The following DMBT1 variants were observed in gnomAD, a reference collection of about 807,000 sequenced individuals.
DMBT1 encodes the protein scavenger receptor cysteine-rich domain-containing protein DMBT1.
In DMBT1, 198 loss-of-function variants were observed where a neutral mutation model predicts 252.9. The observed-to-expected ratio is 0.78, with a 90% confidence interval of 0.70 to 0.88. The LOEUF (loss-of-function observed/expected upper bound fraction) is 0.88. Ranked by LOEUF, DMBT1 falls within the 40% of genes least tolerant of loss-of-function variation. The pLI, the probability that DMBT1 is intolerant of heterozygous loss-of-function variation, is 0.00. For synonymous variants in DMBT1, 990 were observed against 942.7 expected, an observed-to-expected ratio of 1.05 and a Z score of -0.92; for missense variants, 2,432 against 2,404.7, an observed-to-expected ratio of 1.01 and a Z score of -0.24.
intron 44 of DMBT1, among the ~76,000 whole-genome samples, chr10:122,622,266 C>T (rs2098077317): frequency 1.3e-5 from 2 of 152,150 alleles, no homozygotes; most frequent in South Asian, 2.1e-4. Context: ...AAGCCTCTGG[C>T]CGCTCCCTAC....
chr10:122,619,187 T>G, intron 41 of DMBT1, 121 bp from the exon 42 acceptor site: 5 of 1,304,620 alleles, frequency 3.8e-6, no homozygotes, highest in Non-Finnish European at 5.6e-6. Context: ...TGCCCCTCCC[T>G]CTGTGATAGG....
intron 1 of DMBT1, among the ~76,000 whole-genome samples, chr10:122,562,442 A>C (rs12767719): frequency 0.65 from 98,996 of 151,916 alleles, 32,850 homozygotes; most frequent in East Asian, 0.77. Context: ...GTGTGGAGGG[A>C]CTGGGGGCCA....
intron 15 of DMBT1, 49 bp from the exon 16 acceptor site, chr10:122,586,011 C>A (rs747767747): frequency 1.3e-6 from 2 of 1,586,044 alleles, no homozygotes; most frequent in Non-Finnish European, 1.7e-6. Context: ...TCCTTAGATT[C>A]TTGACCTCAT....
intron 55 of DMBT1, among the ~76,000 whole-genome samples, chr10:122,641,026 C>T (rs1161088743): frequency 6.6e-6 from 1 of 152,158 alleles, no homozygotes; most frequent in African/African-American, 2.4e-5. Flanking sequence ...AGAGAGTGTG[C>T]AGCAGGTGGT....
chr10:122,592,719 G>C, intron 20 of DMBT1, 124 bp downstream of exon 20: 1 of 1,474,600 alleles, frequency 6.8e-7, no homozygotes, highest in Non-Finnish European at 9.1e-7. Flanking sequence ...ATGTAGTCTT[G>C]TTAGCTCTCT....
At chr10:122,579,518 T>C in intron 9 of DMBT1, 60 bp from the exon 10 acceptor site, 2 of 1,610,266 alleles carry the variant, frequency 1.2e-6, no homozygotes, top group Non-Finnish European at 8.5e-7. Context: ...GTGTGGAACT[T>C]ACCTTAGATT....
In DMBT1 at chr10:122,576,551, G is replaced by A. The variant is rs1472207485; in HGVS notation, c.436G>A (p.Gly146Ser). 1.2e-6 allele frequency: 2 copies of A among 1,614,002 alleles called. No homozygotes were observed. Among genetic ancestry groups the A allele is most frequent in the Non-Finnish European group, 1.7e-6 (2 of 1,179,882 alleles). The change falls in exon 7 of 56, where the codon GGC becomes AGC. Residue 146 changes from glycine to serine, a missense_variant. Around this residue, in one of 3 missense-constraint regions of DMBT1, gnomAD observed 1,264 missense variants for 1,082.2 expected, o/e 1.17. Transcript: ENST00000338354. ...ANVVCRQLGCGWAMSAPGNAW... is the reference protein window; with the variant it reads ...ANVVCRQLGCSWAMSAPGNAW... ...CGTGGTCTGTAGGCAGCTGGGTTGTGGCTGGGCCATGTCAGCTCCAGGAAA... is the reference window on the plus strand; with the variant it reads ...CGTGGTCTGTAGGCAGCTGGGTTGTAGCTGGGCCATGTCAGCTCCAGGAAA...
chr10:122,589,177 G>A lies in DMBT1; in HGVS notation c.2017G>A (p.Gly673Arg). The change falls in exon 17 of 56, where the codon GGA (glycine) becomes AGA (arginine). Residue 673 changes from glycine (G) to arginine (R), a missense_variant. Gly to Arg is a moderately radical substitution (Grantham distance 125, BLOSUM62 -2). Coordinates refer to ENST00000338354, the MANE Select transcript of DMBT1 (RefSeq NM_001377530.1). ...PIVLDDVRCS[G>R]HESYLWSCPN... ...TGTCCTGGATGATGTGCGCTGCTCA[G>A]GACATGAGTCCTACCTGTGGAGCTG... 2 of 1,588,480 alleles carry A rather than the reference G, an allele frequency of 1.3e-6. No homozygotes were observed. Among genetic ancestry groups the A allele is most frequent in the East Asian group, 2.3e-5 (1 of 42,710 alleles).
intron 15 of DMBT1, among the ~76,000 whole-genome samples, chr10:122,585,593 A>G (rs1205561098): frequency 1.3e-5 from 2 of 148,518 alleles, no homozygotes; most frequent in Non-Finnish European, 3.0e-5. Context: ...TAATCCTACT[A>G]AGACCTCATT....
At position 122,593,520 on chromosome 10, in the gene DMBT1, G is replaced by A. The variant is rs753669912; in HGVS notation, c.2501-49G>A. The stretch of plus-strand genomic sequence containing the variant: ...TTTCCCTCCTCGTTCCAGTTTTGCC[G>A]ACTTCTGTGTAATGTTCCTGATCTG... On this transcript the variant is annotated intron_variant, in intron 20 of 55. Transcript: ENST00000338354. 2.2e-5 allele frequency: 34 copies of A among 1,577,056 alleles called. 1 individual carries two copies. Among genetic ancestry groups the A allele is most frequent in the African/African-American group, 1.2e-4 (9 of 74,154 alleles).
chr10:122,623,488 C>T (rs2098089599), intron 44 of DMBT1, among the ~76,000 whole-genome samples: 1 of 152,148 alleles, frequency 6.6e-6, no homozygotes, highest in Non-Finnish European at 1.5e-5. Context: ...GAACAGTTGC[C>T]ACAGCTGCTG....
rs765141887 is a variant in DMBT1 at position 122,590,650 on chromosome 10, T to G, written c.2108-15T>G. 2 of 1,587,668 alleles carry G rather than the reference T, an allele frequency of 1.3e-6. No homozygotes were observed. The highest frequency in any genetic ancestry group is 1.7e-6 in the Non-Finnish European group (2 of 1,165,250). On this transcript the variant is annotated splice_polypyrimidine_tract_variant and intron_variant, in intron 17 of 55. Coordinates refer to ENST00000338354, the MANE Select transcript of DMBT1 (RefSeq NM_001377530.1). ...TCTGTATAGTGCATCTGATCTGACC[T>G]CCTCTTTCTCACAGCTGCCCAGTCC... is the stretch of plus-strand genomic sequence containing the variant.
chr10:122,565,730 A>G (rs1451566913), intron 1 of DMBT1, among the ~76,000 whole-genome samples: 1 of 152,230 alleles, frequency 6.6e-6, no homozygotes, highest in African/African-American at 2.4e-5. Flanking sequence ...TTAGGGGCCT[A>G]GTAAAGAGAC....
chr10:122,584,740 C>T (rs959561792), intron 14 of DMBT1, among the ~76,000 whole-genome samples: 1 of 149,192 alleles, frequency 6.7e-6, no homozygotes, highest in Non-Finnish European at 1.5e-5. Flanking sequence ...AACATGGCTG[C>T]CGCCATGGGC....
chr10:122,599,949 G>A, intron 26 of DMBT1, 115 bp from the exon 27 acceptor site: 4 of 1,444,912 alleles, frequency 2.8e-6, no homozygotes, highest in Non-Finnish European at 2.9e-6. Context: ...CTCCCTGTGT[G>A]ATAGGAACTA....
intron 2 of DMBT1, among the ~76,000 whole-genome samples, chr10:122,566,764 T>C (rs530227912): frequency 6.6e-6 from 1 of 152,362 alleles, no homozygotes; most frequent in East Asian, 1.9e-4. Flanking sequence ...ACCTAATAAG[T>C]GCTCAACTAA....
At chr10:122,580,372 T>C (rs1022438390) in intron 10 of DMBT1, among the ~76,000 whole-genome samples, 1 of 152,088 alleles carries the variant, frequency 6.6e-6, no homozygotes, top group African/African-American at 2.4e-5. Context: ...TGGGTGTCTG[T>C]TTGTATCAGG....
chr10:122,561,089 G>A (rs1430545184), intron 1 of DMBT1, among the ~76,000 whole-genome samples: 1 of 152,162 alleles, frequency 6.6e-6, no homozygotes, highest in Non-Finnish European at 1.5e-5. Flanking sequence ...TCAACTAAAG[G>A]AATGATTGAT....
In DMBT1 at chr10:122,586,204, T is replaced by G. The variant is rs1322506181; in HGVS notation, c.1604T>G (p.Leu535Arg). The G allele has an allele frequency of 6.3e-7, 1 of 1,589,194 alleles. No individual in the cohort carries two copies. The highest frequency in any genetic ancestry group is 8.6e-7 in the Non-Finnish European group (1 of 1,166,084). ...GATGCCAATGTGGTCTGCAGGCAGC[T>G]GGGCTGTGGCTGGGCCATGTTGGCC... ...TNDANVVCRQLGCGWAMLAPG... is the reference protein window; with the variant it reads ...TNDANVVCRQRGCGWAMLAPG... Residue 535 changes from leucine (L) to arginine (R), a missense_variant, in exon 16 of 56, where the codon CTG becomes CGG. By Grantham distance (102) the Leu-to-Arg change is moderately radical. This residue lies in a region of DMBT1 where 1,264 missense variants were observed against 1,082.2 expected (regional missense o/e 1.17). Coordinates refer to ENST00000338354, the MANE Select transcript of DMBT1 (RefSeq NM_001377530.1).
Sources: allele counts gnomAD v4.1 joint callset (sites outside exome capture counted in the v4.1 genomes callset), GRCh38; gene constraint gnomAD v4.1.1; regional missense constraint gnomAD v4.1.1; transcripts MANE v1.5; gene names NCBI Gene and HGNC (gene_info 2026-07-23, HGNC 2026-07-21).